Variants in LSAMP observed in about 807,000 individuals in gnomAD.
LSAMP encodes the protein limbic system associated membrane protein.
A neutral mutation model predicts 38.6 loss-of-function variants in LSAMP; 7 were observed. The observed-to-expected ratio is 0.18, with a 90% CI of 0.10 to 0.34. The LOEUF (loss-of-function observed/expected upper bound fraction) is 0.34. Ranked by LOEUF, LSAMP falls within the 10% of genes least tolerant of loss-of-function variation. The pLI is 1.00. For missense variants in LSAMP, 313 were observed against 420.0 expected, an observed-to-expected ratio of 0.75 and a Z score of 2.23; for synonymous variants, 154 against 166.8, an observed-to-expected ratio of 0.92 and a Z score of 0.59.
At chr3:116,044,335 T>G (rs1941244465) in intron 2 of LSAMP, among the ~76,000 whole-genome samples, 1 of 152,222 alleles carries the variant, frequency 6.6e-6, no homozygotes, top group Non-Finnish European at 1.5e-5. Context: ...CTTTCTTTTT[T>G]GTTTGTTTGT....
At chr3:116,197,866 T>G (rs957462404) in intron 1 of LSAMP, among the ~76,000 whole-genome samples, 1 of 152,118 alleles carries the variant, frequency 6.6e-6, no homozygotes, top group Admixed American at 6.6e-5. Flanking sequence ...TATAATAGGA[T>G]GTATAGTATT....
At chr3:116,393,258 G>T (rs1230621141) in intron 1 of LSAMP, among the ~76,000 whole-genome samples, 2 of 152,154 alleles carry the variant, frequency 1.3e-5, no homozygotes, top group African/African-American at 4.8e-5. Context: ...CCAAGCCAGG[G>T]CTGTGACTCC....
At chr3:116,417,994 C>T (rs1576208818) in intron 1 of LSAMP, among the ~76,000 whole-genome samples, 1 of 152,156 alleles carries the variant, frequency 6.6e-6, no homozygotes, top group Non-Finnish European at 1.5e-5. Flanking sequence ...GCTTTAATAA[C>T]CTAAACTCCC....
intron 1 of LSAMP, among the ~76,000 whole-genome samples, chr3:116,173,163 A>G (rs572967119): frequency 2.6e-5 from 4 of 152,156 alleles, no homozygotes; most frequent in African/African-American, 9.6e-5. Context: ...ATCTTAACAC[A>G]AAAATGGAGC....
At chr3:116,216,062 T>C (rs2046215554) in intron 1 of LSAMP, among the ~76,000 whole-genome samples, 1 of 152,214 alleles carries the variant, frequency 6.6e-6, no homozygotes, top group African/African-American at 2.4e-5. Context: ...TATTTTTAGA[T>C]GAATCTGAAA....
chr3:116,224,341 A>T (rs2046319472), intron 1 of LSAMP, among the ~76,000 whole-genome samples: 1 of 152,234 alleles, frequency 6.6e-6, no homozygotes, highest in Non-Finnish European at 1.5e-5. Context: ...CACATCCAAG[A>T]AACAGGTGAA....
intron 6 of LSAMP, among the ~76,000 whole-genome samples, chr3:115,838,476 C>T (rs1013897620): frequency 6.6e-6 from 1 of 152,196 alleles, no homozygotes; most frequent in Non-Finnish European, 1.5e-5. Context: ...TCATGCATAT[C>T]CCCGTCTGAG....
chr3:116,190,924 G>A (rs1048738534), intron 1 of LSAMP, among the ~76,000 whole-genome samples: 2 of 152,154 alleles, frequency 1.3e-5, no homozygotes, highest in Non-Finnish European at 2.9e-5. Flanking sequence ...TTTAAGGGTG[G>A]AACAAAATAG....
intron 1 of LSAMP, among the ~76,000 whole-genome samples, chr3:116,111,852 G>A (rs1708623360): frequency 6.6e-6 from 1 of 152,162 alleles, no homozygotes; most frequent in African/African-American, 2.4e-5. Flanking sequence ...GGTTAAGATG[G>A]TCCCTGTAAT....
chr3:115,972,976 T>C (rs1939066883), intron 3 of LSAMP, among the ~76,000 whole-genome samples: 2 of 151,940 alleles, frequency 1.3e-5, no homozygotes, highest in Admixed American at 6.6e-5. Flanking sequence ...AGAAAGGACA[T>C]TACTGGCAAA....
intron 1 of LSAMP, among the ~76,000 whole-genome samples, chr3:116,163,971 TC>T (rs1383216513): frequency 4.6e-5 from 7 of 152,198 alleles, no homozygotes; most frequent in African/African-American, 1.7e-4. Context: ...TTGAGGAGTC[TC>T]TGAGTTATCC....
At position 116,082,985 on chromosome 3, in the gene LSAMP, C is replaced by T. The variant is rs187981094; in HGVS notation, c.388+3339G>A. ...GTAACCCTATGTACAACAAACCCCT[C>T]TGACGTGTTTAGCTATGTACCTCCA... On this transcript the variant is annotated intron_variant, in intron 2 of 6. Transcript: ENST00000490035. 1.8e-3 allele frequency among the ~76,000 whole-genome samples: 276 copies of T among 152,216 alleles called. 1 individual carries two copies. Among genetic ancestry groups the T allele is most frequent in the African/African-American group, 6.5e-3 (272 of 41,540 alleles).
rs531872619 is a variant in LSAMP, at chr3:115,881,803, A to C, written c.515-29186T>G. 1.2e-4 allele frequency among the ~76,000 whole-genome samples: 18 copies of C among 152,234 alleles called. No homozygotes were observed. In the East Asian group the frequency reaches 3.3e-3, roughly 28 times the overall value. ...TACCCATCCCTTCACTCATCTAATAAATATTTATTGATTATTGCAGTAGAT... is the reference window on the plus strand; with the variant it reads ...TACCCATCCCTTCACTCATCTAATACATATTTATTGATTATTGCAGTAGAT... On this transcript the variant is annotated intron_variant, in intron 3 of 6. Coordinates refer to ENST00000490035, the MANE Select transcript of LSAMP (RefSeq NM_002338.5).
intron 2 of LSAMP, among the ~76,000 whole-genome samples, chr3:116,041,928 T>G (rs1382846178): frequency 6.6e-6 from 1 of 152,140 alleles, no homozygotes; most frequent in East Asian, 1.9e-4. Flanking sequence ...TTTACTTGGA[T>G]ATGTTTGGAT....
chr3:116,422,464 C>T (rs1463226414), intron 1 of LSAMP, among the ~76,000 whole-genome samples: 1 of 151,772 alleles, frequency 6.6e-6, no homozygotes, highest in Non-Finnish European at 1.5e-5. Context: ...CAAATACTAC[C>T]CCATTTTATA....
intron 1 of LSAMP, among the ~76,000 whole-genome samples, chr3:116,416,448 A>C (rs2049051810): frequency 6.6e-6 from 1 of 152,184 alleles, no homozygotes; most frequent in African/African-American, 2.4e-5. Context: ...TGGGTTATAG[A>C]AGCAAAATGG....
chr3:115,928,750 C>A (rs1362729167), intron 3 of LSAMP, among the ~76,000 whole-genome samples: 1 of 152,138 alleles, frequency 6.6e-6, no homozygotes, highest in Non-Finnish European at 1.5e-5. Context: ...GTTGAGGAAA[C>A]TTAACCCCAA....
At chr3:115,892,861 TTAAAC>T (rs1265759523) in intron 3 of LSAMP, among the ~76,000 whole-genome samples, 4 of 149,870 alleles carry the variant, frequency 2.7e-5, no homozygotes, top group African/African-American at 9.8e-5. Flanking sequence ...TTATTTTAAT[TTAAAC>T]TGTGTGAAAT....
At chr3:115,884,248 C>G (rs1011754299) in intron 3 of LSAMP, among the ~76,000 whole-genome samples, 1 of 151,916 alleles carries the variant, frequency 6.6e-6, no homozygotes, top group Admixed American at 6.6e-5. Context: ...ATTTTGGAGG[C>G]TGAATTAAGC....
Sources: gnomAD v4.1 joint callset for allele counts (sites outside exome capture counted in the v4.1 genomes callset) on GRCh38, gnomAD v4.1.1 for gene constraint, MANE v1.5 for transcripts, NCBI Gene and HGNC (gene_info 2026-07-23, HGNC 2026-07-21) for gene names.